Variants in FHIP1A observed in about 807,000 individuals in gnomAD.
The protein encoded by FHIP1A is FHF complex subunit HOOK-interacting protein 1A.
In FHIP1A, 61 loss-of-function variants were observed where a neutral mutation model predicts 88.6. That is an observed-to-expected ratio of 0.69 (90% confidence interval 0.56 to 0.85). The LOEUF is 0.85. FHIP1A is among the 40% of genes least tolerant of loss of function. FHIP1A has a pLI of 0.00. For missense variants in FHIP1A, 1,154 were observed against 1,273.5 expected, an observed-to-expected ratio of 0.91 and a Z score of 1.43; for synonymous variants, 478 against 496.0, an observed-to-expected ratio of 0.96 and a Z score of 0.48.
chr4:151,662,113 A>G (rs2126933222), intron 13 of FHIP1A, among the ~76,000 whole-genome samples: 1 of 152,352 alleles, frequency 6.6e-6, no homozygotes, highest in East Asian at 1.9e-4. Flanking sequence ...CCAGCATGAG[A>G]GGCTGGCAGA....
At chr4:151,467,801 G>A (rs1484517235) in intron 2 of FHIP1A, among the ~76,000 whole-genome samples, 1 of 152,014 alleles carries the variant, frequency 6.6e-6, no homozygotes, top group African/African-American at 2.4e-5. Context: ...GACACAGGGA[G>A]GGGAACGACA....
chr4:151,487,586 C>G (rs756292837), intron 3 of FHIP1A, among the ~76,000 whole-genome samples: 2 of 152,180 alleles, frequency 1.3e-5, no homozygotes, highest in Non-Finnish European at 2.9e-5. Context: ...GAAATCCGTG[C>G]CTTCTTTCAT....
At chr4:151,551,151 CA>C (rs1732713956) in intron 3 of FHIP1A, among the ~76,000 whole-genome samples, 1 of 152,140 alleles carries the variant, frequency 6.6e-6, no homozygotes, top group African/African-American at 2.4e-5. Context: ...GCATCCATTA[CA>C]GTGCTATTAA....
At chr4:151,517,762 G>T (rs1413368435) in intron 3 of FHIP1A, among the ~76,000 whole-genome samples, 5 of 151,992 alleles carry the variant, frequency 3.3e-5, no homozygotes, top group Non-Finnish European at 5.9e-5. Flanking sequence ...GTGTGTGTTT[G>T]TGTCTTAGCT....
chr4:151,630,884 A>G (rs772055913), intron 8 of FHIP1A, among the ~76,000 whole-genome samples: 3 of 152,238 alleles, frequency 2.0e-5, no homozygotes, highest in Non-Finnish European at 4.4e-5. Flanking sequence ...AAGTATATGG[A>G]AATTGACACA....
intron 7 of FHIP1A, among the ~76,000 whole-genome samples, chr4:151,621,581 T>G (rs1276704903): frequency 9.8e-4 from 59 of 59,910 alleles, no homozygotes; most frequent in African/African-American, 1.2e-3. Context: ...GGGGGAGGAG[T>G]TGGGGGGGTT....
At chr4:151,464,223 A>G (rs1188542145) in intron 2 of FHIP1A, among the ~76,000 whole-genome samples, 2 of 152,178 alleles carry the variant, frequency 1.3e-5, no homozygotes, top group Non-Finnish European at 2.9e-5. Flanking sequence ...TCATTTAGCC[A>G]GTGATTGTTG....
intron 8 of FHIP1A, among the ~76,000 whole-genome samples, chr4:151,634,922 C>T (rs1054456656): frequency 5.9e-5 from 9 of 151,618 alleles, no homozygotes; most frequent in African/African-American, 2.2e-4. Context: ...ACAACTTAGG[C>T]GTATCAAATG....
At chr4:151,601,764 T>C (rs1483358714) in intron 7 of FHIP1A, among the ~76,000 whole-genome samples, 1 of 151,786 alleles carries the variant, frequency 6.6e-6, no homozygotes, top group African/African-American at 2.4e-5. Flanking sequence ...ACTACTGCTG[T>C]GTGAACTTGT....
chr4:151,416,847 A>G (rs1483543355), intron 1 of FHIP1A, among the ~76,000 whole-genome samples: 1 of 152,028 alleles, frequency 6.6e-6, no homozygotes, highest in African/African-American at 2.4e-5. Context: ...GCACTAGTGC[A>G]ATTTGGGCTC....
intron 3 of FHIP1A, among the ~76,000 whole-genome samples, chr4:151,506,463 T>G (rs1260316602): frequency 6.6e-6 from 1 of 152,230 alleles, no homozygotes; most frequent in Non-Finnish European, 1.5e-5. Context: ...CTCATGGTTC[T>G]GTAGGCTGTA....
chr4:151,563,651 T>G (rs1403635898), intron 3 of FHIP1A, among the ~76,000 whole-genome samples: 1 of 152,154 alleles, frequency 6.6e-6, no homozygotes, highest in Non-Finnish European at 1.5e-5. Context: ...CTTGGGAGTT[T>G]TAGCATTGGA....
intron 3 of FHIP1A, among the ~76,000 whole-genome samples, chr4:151,491,799 A>C (rs151066481): frequency 6.6e-6 from 1 of 152,344 alleles, no homozygotes. Context: ...GGATAGAAAA[A>C]GATATTCCAT....
At chr4:151,487,024 T>G (rs1399590375) in intron 3 of FHIP1A, among the ~76,000 whole-genome samples, 1 of 152,112 alleles carries the variant, frequency 6.6e-6, no homozygotes, top group Non-Finnish European at 1.5e-5. Flanking sequence ...TTTCTGAGGC[T>G]TCTCCTTCTT....
intron 5 of FHIP1A, among the ~76,000 whole-genome samples, chr4:151,583,728 A>G (rs930880249): frequency 2.0e-5 from 3 of 152,206 alleles, no homozygotes; most frequent in Non-Finnish European, 4.4e-5. Flanking sequence ...AGCAAATGTA[A>G]TTGATTTAAA....
chr4:151,578,450 G>GA (rs1463240377), intron 5 of FHIP1A, among the ~76,000 whole-genome samples: 7 of 152,170 alleles, frequency 4.6e-5, no homozygotes, highest in Non-Finnish European at 1.5e-5. Flanking sequence ...CATGTGATAA[G>GA]ACCTCCACTG....
chr4:151,488,031 G>A (rs1262078510), intron 3 of FHIP1A, among the ~76,000 whole-genome samples: 3 of 152,164 alleles, frequency 2.0e-5, no homozygotes, highest in Non-Finnish European at 2.9e-5. Flanking sequence ...TTCATTGTAA[G>A]GGTTCTGGTC....
rs1737717057 is a variant in FHIP1A at position 151,667,788 on chromosome 4, G to GT, written c.*5035dup. On this transcript the variant is annotated 3_prime_UTR_variant, in exon 14 of 14. Coordinates refer to ENST00000435205, the MANE Select transcript of FHIP1A (RefSeq NM_001109977.3). ...ACCTAGTTCACTGTTACCTACACAA[G>GT]TAACAAGACGGCCAATAGGACCTGT... 1.3e-5 allele frequency among the ~76,000 whole-genome samples: 2 copies of GT among 152,324 alleles called. No homozygotes were observed. Among genetic ancestry groups the GT allele is most frequent in the South Asian group, 2.1e-4 (1 of 4,820 alleles).
intron 1 of FHIP1A, among the ~76,000 whole-genome samples, chr4:151,450,210 A>C (rs1728743517): frequency 6.6e-6 from 1 of 152,182 alleles, no homozygotes; most frequent in Non-Finnish European, 1.5e-5. Flanking sequence ...AAACGTAAAG[A>C]AGTGTATAAA....
Sources: gnomAD v4.1 joint callset for allele counts (sites outside exome capture counted in the v4.1 genomes callset) on GRCh38, gnomAD v4.1.1 for gene constraint, MANE v1.5 for transcripts, NCBI Gene and HGNC (gene_info 2026-07-23, HGNC 2026-07-21) for gene names.